Variants in TECR observed in about 807,000 individuals in gnomAD.
TECR encodes the protein very-long-chain enoyl-CoA reductase.
A neutral mutation model predicts 50.6 loss-of-function variants in TECR; 19 were observed. That is an observed-to-expected ratio of 0.38 (90% CI 0.26 to 0.55). TECR has a LOEUF of 0.55. Among genes scored for constraint, TECR ranks in the 20% least tolerant of loss-of-function variants. TECR has a pLI of 0.79. For missense variants in TECR, 313 were observed against 408.3 expected, an observed-to-expected ratio of 0.77 and a Z score of 2.01; for synonymous variants, 168 against 163.5, an observed-to-expected ratio of 1.03 and a Z score of -0.21.
At chr19:14,560,104 G>A (rs887050051) in intron 1 of TECR, among the ~76,000 whole-genome samples, 7 of 152,280 alleles carry the variant, frequency 4.6e-5, no homozygotes, top group African/African-American at 1.2e-4. Flanking sequence ...AGCTGTGAGC[G>A]TGGCCCCTCT....
Position 14,565,974 on chromosome 19 carries a change from A to G in TECR, c.*103A>G. ...ACCCGGAATAAAGCCCGCCTGCCCC[A>G]GTCGGACTCGGGCTCTGTGTGTTTC... On this transcript the variant is annotated 3_prime_UTR_variant, in exon 13 of 13. Coordinates refer to ENST00000215567, the MANE Select transcript of TECR (RefSeq NM_138501.6). The G allele has an allele frequency of 6.4e-7, 1 of 1,554,902 alleles. No individual in the cohort carries two copies. Among genetic ancestry groups the G allele is most frequent in the Non-Finnish European group, 8.7e-7 (1 of 1,151,054 alleles).
At chr19:14,560,096 C>T (rs1189742504) in intron 1 of TECR, among the ~76,000 whole-genome samples, 2 of 152,214 alleles carry the variant, frequency 1.3e-5, no homozygotes, top group Admixed American at 6.5e-5. Flanking sequence ...ACTGCTGCAG[C>T]TGTGAGCGTG....
At chr19:14,538,043 C>T (rs2072966924) in intron 1 of TECR, among the ~76,000 whole-genome samples, 1 of 152,118 alleles carries the variant, frequency 6.6e-6, no homozygotes, top group South Asian at 2.1e-4. Flanking sequence ...ACTGCGCCGG[C>T]AGTGTGAGTG....
chr19:14,550,129 CTCCTT>C (rs1159272691), intron 1 of TECR, among the ~76,000 whole-genome samples: 13 of 151,974 alleles, frequency 8.6e-5, no homozygotes, highest in South Asian at 2.1e-4. Context: ...ATTTTTGTCT[CTCCTT>C]CTATAGCTGA....
Position 14,563,329 on chromosome 19 carries a change from A to G in TECR, c.118+72A>G. The G allele has an allele frequency of 2.9e-6, 4 of 1,371,674 alleles. No homozygotes were observed. Among genetic ancestry groups the G allele is most frequent in the Non-Finnish European group, 4.1e-6 (4 of 975,910 alleles). 85.0% of individuals were successfully genotyped at this position (1,371,674 alleles called of 1,614,324 possible). A position where few individuals can be genotyped will look rare whatever the true frequency, so the allele number is the denominator to read the frequency against. ...GGGACCTTAGGGTGGGAGGGATCCC[A>G]TCCTGCACCCCTCTCCCAGGGGCCT... On this transcript the variant is annotated intron_variant, in intron 3 of 12. Coordinates refer to ENST00000215567, the MANE Select transcript of TECR (RefSeq NM_138501.6). The surrounding 1 kb of genome is among the most constrained non-coding windows in gnomAD (Gnocchi z 5.3).
intron 1 of TECR, chr19:14,530,049 C>T (rs1342617630): frequency 9.0e-6 from 4 of 443,958 alleles, no homozygotes; most frequent in Non-Finnish European, 1.7e-5. Flanking sequence ...ACCCTTGCTC[C>T]CAATCCGAGG....
intron 1 of TECR, among the ~76,000 whole-genome samples, chr19:14,549,830 C>T (rs2073432187): frequency 6.6e-6 from 1 of 151,910 alleles, no homozygotes; most frequent in South Asian, 2.1e-4. Context: ...GTAATCCCAG[C>T]TACTCAGGAG....
Position 14,565,906 on chromosome 19 carries a change from C to T in TECR, c.*35C>T, listed in dbSNP as rs749281247. 17 of 1,553,632 alleles carry T rather than the reference C, an allele frequency of 1.1e-5. No individual in the cohort carries two copies. Among genetic ancestry groups the T allele is most frequent in the Non-Finnish European group, 1.5e-5 (17 of 1,150,454 alleles). ...CCTGCTGAGGCTCAGCCCCTCAACC[C>T]GGTGGCATTCTGGGGGAGGAGTGGG... is the stretch of plus-strand genomic sequence containing the variant. On this transcript the variant is annotated 3_prime_UTR_variant, in exon 13 of 13. Coordinates refer to ENST00000215567, the MANE Select transcript of TECR (RefSeq NM_138501.6).
At chr19:14,555,476 C>T (rs550989346) in intron 1 of TECR, among the ~76,000 whole-genome samples, 18 of 114,972 alleles carry the variant, frequency 1.6e-4, no homozygotes, top group Non-Finnish European at 2.6e-4. Context: ...GACAGAGCCT[C>T]ACTCTATTGC....
chr19:14,551,715 G>C (rs1339327436), intron 1 of TECR, among the ~76,000 whole-genome samples: 1 of 152,070 alleles, frequency 6.6e-6, no homozygotes, highest in Non-Finnish European at 1.5e-5. Flanking sequence ...GCTGTGTGAG[G>C]CTGTGGGGCA....
chr19:14,562,985 G>C (rs10408614), intron 2 of TECR, among the ~76,000 whole-genome samples: 6,948 of 152,148 alleles, frequency 0.046, 514 homozygotes, highest in African/African-American at 0.16. Flanking sequence ...CTGGGGGCCT[G>C]CTGGCTGAGG....
chr19:14,546,765 A>G (rs560003113), intron 1 of TECR, among the ~76,000 whole-genome samples: 1 of 152,016 alleles, frequency 6.6e-6, no homozygotes, highest in Admixed American at 6.5e-5. Flanking sequence ...GCTTGCTGCA[A>G]CCTCCACCTC....
intron 1 of TECR, among the ~76,000 whole-genome samples, chr19:14,540,077 TGAGACG>T: frequency 6.6e-6 from 1 of 150,428 alleles, no homozygotes; most frequent in Middle Eastern, 3.2e-3. Context: ...TTTTTTTTTT[TGAGACG>T]GAGTCTCGCT....
intron 1 of TECR, among the ~76,000 whole-genome samples, chr19:14,542,347 G>GTGTTTTTTTTTT (rs2073125545): frequency 2.3e-5 from 1 of 43,282 alleles, no homozygotes; most frequent in African/African-American, 8.1e-5. Flanking sequence ...ATGCCATAGT[G>GTGTTTTTTTTTT]TTTTTTTTTT....
chr19:14,564,728 C>G, intron 7 of TECR, 58 bp from the exon 8 acceptor site: 9 of 1,535,596 alleles, frequency 5.9e-6, no homozygotes, highest in African/African-American at 1.4e-5. Flanking sequence ...GAGACATGGG[C>G]AGCATCTGCC....
intron 1 of TECR, among the ~76,000 whole-genome samples, chr19:14,534,360 A>G (rs1448120811): frequency 1.5e-5 from 2 of 136,504 alleles, no homozygotes; most frequent in East Asian, 4.6e-4. Flanking sequence ...TCCTGACCTT[A>G]TGATCCGCCC....
At chr19:14,541,328 C>A (rs2073090366) in intron 1 of TECR, among the ~76,000 whole-genome samples, 1 of 152,180 alleles carries the variant, frequency 6.6e-6, no homozygotes, top group South Asian at 2.1e-4. Context: ...TCCATCCTGC[C>A]CGTGGCTGTC....
At chr19:14,565,414 G>T (rs2074048106) in intron 11 of TECR, 124 bp downstream of exon 11, 1 of 1,400,118 alleles carries the variant, frequency 7.1e-7, no homozygotes, top group Admixed American at 1.9e-5. Flanking sequence ...GCATTGGGAG[G>T]TGGAGACCGC....
At chr19:14,544,736 G>T (rs1376655407) in intron 1 of TECR, among the ~76,000 whole-genome samples, 1 of 151,682 alleles carries the variant, frequency 6.6e-6, no homozygotes, top group Non-Finnish European at 1.5e-5. Context: ...GGGTTCAAGG[G>T]ATTCTTGTGC....
Sources: gnomAD v4.1 joint callset for allele counts (sites outside exome capture counted in the v4.1 genomes callset) on GRCh38, gnomAD v4.1.1 for gene constraint, Gnocchi (gnomAD v3.1) non-coding constraint, MANE v1.5 for transcripts, NCBI Gene and HGNC (gene_info 2026-07-23, HGNC 2026-07-21) for gene names.